PATJ: variants seen among roughly 807,000 people sequenced by gnomAD.
PATJ encodes inaD-like protein.
Under a neutral mutation model 224.9 loss-of-function variants are expected in PATJ, and 190 were observed. The observed-to-expected ratio is 0.84, with a 90% CI of 0.75 to 0.95. PATJ has a LOEUF of 0.95. Ranked by LOEUF, PATJ falls within the 40% of genes least tolerant of loss-of-function variation. The pLI is 0.00. For synonymous variants in PATJ, 769 were observed against 820.3 expected (o/e 0.94, Z 1.07); for missense variants, 2,121 against 2,270.3 (o/e 0.93, Z 1.34).
intron 33 of PATJ, among the ~76,000 whole-genome samples, chr1:62,099,993 C>T (rs72677948): frequency 0.011 from 1,628 of 152,304 alleles, 12 homozygotes; most frequent in Non-Finnish European, 0.015. Flanking sequence ...GTGACATTGA[C>T]TCTGTCTAAG....
chr1:61,806,002 G>A (rs1653466419), intron 13 of PATJ, among the ~76,000 whole-genome samples: 1 of 152,204 alleles, frequency 6.6e-6, no homozygotes, highest in Admixed American at 6.5e-5. Flanking sequence ...TGGAAGAACA[G>A]GAAGTAATTT....
chr1:61,984,697 A>G (rs67456403), intron 27 of PATJ, among the ~76,000 whole-genome samples: 7,747 of 152,152 alleles, frequency 0.051, 618 homozygotes, highest in East Asian at 0.39. Flanking sequence ...AGTGTAGCTG[A>G]CCAGTGGGTT....
chr1:62,043,334 A>G (rs1458863224), intron 30 of PATJ, among the ~76,000 whole-genome samples: 1 of 152,244 alleles, frequency 6.6e-6, no homozygotes, highest in Non-Finnish European at 1.5e-5. Context: ...TGATGTGAAC[A>G]TAAGCTTGGA....
At chr1:61,898,246 G>GA in intron 22 of PATJ, among the ~76,000 whole-genome samples, 1 of 152,148 alleles carries the variant, frequency 6.6e-6, no homozygotes, top group East Asian at 1.9e-4. Flanking sequence ...AGGTTAGAGG[G>GA]ATTTTTGTTT....
In PATJ at chr1:62,128,032, A is replaced by T; in HGVS notation, c.5104A>T (p.Ile1702Phe). Residue 1702 changes from isoleucine to phenylalanine, a missense_variant, in exon 40 of 44, where the codon ATC becomes TTC. Physicochemically the swap from Ile to Phe is conservative, Grantham distance 21 (BLOSUM62 0). Coordinates refer to ENST00000642238, the MANE Select transcript of PATJ (RefSeq NM_001350145.3). The part of the protein sequence containing the change: ...AGGRGSPLGD[I>F]PVFIAMIQAS... ...AGGAAGAGGAAGTCCCTTAGGAGAT[A>T]TCCCCGTATTTATTGCCATGATTCA... 1 of 1,614,106 alleles carries T rather than the reference A, an allele frequency of 6.2e-7. No individual in the cohort carries two copies. The highest frequency in any genetic ancestry group is 1.1e-5 in the South Asian group (1 of 91,074).
intron 14 of PATJ, among the ~76,000 whole-genome samples, chr1:61,821,976 C>G (rs1344387472): frequency 6.6e-6 from 1 of 152,152 alleles, no homozygotes; most frequent in Admixed American, 6.5e-5. Flanking sequence ...TATCTCAGCC[C>G]ATATGAATCC....
intron 31 of PATJ, among the ~76,000 whole-genome samples, chr1:62,062,342 C>T (rs1012618525): frequency 1.6e-4 from 20 of 128,234 alleles, no homozygotes; most frequent in African/African-American, 5.5e-4. Flanking sequence ...TGGTGATTAT[C>T]GATGTTGAGC....
At chr1:61,997,602 T>A (rs34935930) in intron 28 of PATJ, among the ~76,000 whole-genome samples, 22,261 of 152,146 alleles carry the variant, frequency 0.15, 2,015 homozygotes, top group Non-Finnish European at 0.21. Context: ...TTTAAGTTAT[T>A]TGAGTTCTGG....
At chr1:61,868,144 A>G (rs1427427956) in intron 20 of PATJ, among the ~76,000 whole-genome samples, 1 of 152,226 alleles carries the variant, frequency 6.6e-6, no homozygotes, top group Non-Finnish European at 1.5e-5. Flanking sequence ...TAGTTATAGT[A>G]AAAGACACAC....
At chr1:62,078,004 ATTG>A (rs1264264829) in intron 31 of PATJ, among the ~76,000 whole-genome samples, 1 of 152,240 alleles carries the variant, frequency 6.6e-6, no homozygotes, top group African/African-American at 2.4e-5. Flanking sequence ...AATGGATGGT[ATTG>A]TTTTGTTGTT....
At chr1:61,905,700 G>A (rs557155275) in intron 24 of PATJ, among the ~76,000 whole-genome samples, 40 of 152,242 alleles carry the variant, frequency 2.6e-4, no homozygotes, top group Middle Eastern at 3.4e-3. Flanking sequence ...TGGCTATACC[G>A]TTTTACATTC....
At chr1:61,913,371 G>A (rs1006281910) in intron 25 of PATJ, among the ~76,000 whole-genome samples, 10 of 152,136 alleles carry the variant, frequency 6.6e-5, no homozygotes, top group African/African-American at 2.4e-4. Flanking sequence ...AACACACCCA[G>A]CTAATTTGTA....
intron 20 of PATJ, among the ~76,000 whole-genome samples, chr1:61,866,589 T>C (rs1665456064): frequency 6.6e-6 from 1 of 152,168 alleles, no homozygotes; most frequent in Non-Finnish European, 1.5e-5. Flanking sequence ...TCACTCAAAA[T>C]TTTATTCTTA....
chr1:62,161,173 CCT>C lies in PATJ; in HGVS notation c.*124_*125del. The C allele has an allele frequency of 1.3e-6, 1 of 744,388 alleles. No homozygotes were observed. The highest frequency in any genetic ancestry group is 1.9e-6 in the Non-Finnish European group (1 of 520,492). 46.1% of individuals were successfully genotyped at this position (744,388 alleles called of 1,614,324 possible). ...ATGCACCTTCATTCTTATTTCTTGC[CCT>C]CTCTGCTCAGGAGAAATGGCTGAGG... On this transcript the variant is annotated 3_prime_UTR_variant, in exon 44 of 44. Transcript: ENST00000642238.
At chr1:62,025,321 C>T (rs543952294) in intron 29 of PATJ, among the ~76,000 whole-genome samples, 1 of 152,306 alleles carries the variant, frequency 6.6e-6, no homozygotes, top group South Asian at 2.1e-4. Flanking sequence ...CAAACCGTTG[C>T]TGGCTCTTGA....
At chr1:61,839,636 T>C (rs1446479474) in intron 17 of PATJ, among the ~76,000 whole-genome samples, 1 of 152,168 alleles carries the variant, frequency 6.6e-6, no homozygotes. Flanking sequence ...TGTTGAACTT[T>C]GAATAACCCC....
At chr1:62,055,614 T>C (rs1022494479) in intron 31 of PATJ, among the ~76,000 whole-genome samples, 7 of 152,214 alleles carry the variant, frequency 4.6e-5, no homozygotes, top group Non-Finnish European at 8.8e-5. Context: ...GAGTGAATTG[T>C]TGTTAATGAG....
intron 28 of PATJ, among the ~76,000 whole-genome samples, chr1:62,000,725 G>A (rs1645710651): frequency 6.6e-6 from 1 of 150,850 alleles, no homozygotes; most frequent in Non-Finnish European, 1.5e-5. Flanking sequence ...TAATGGGATG[G>A]CTGGGTCAAA....
intron 27 of PATJ, among the ~76,000 whole-genome samples, chr1:61,975,920 C>T (rs1644105177): frequency 6.6e-6 from 1 of 152,080 alleles, no homozygotes; most frequent in Non-Finnish European, 1.5e-5. Context: ...TTACTTTGGA[C>T]TTCTAAACAG....
Sources: gnomAD v4.1 joint callset for allele counts (sites outside exome capture counted in the v4.1 genomes callset) on GRCh38, gnomAD v4.1.1 for gene constraint, MANE v1.5 for transcripts, NCBI Gene and HGNC (gene_info 2026-07-23, HGNC 2026-07-21) for gene names.